Variants in GRIN3A observed in about 807,000 individuals in gnomAD.
GRIN3A encodes the protein glutamate ionotropic receptor NMDA type subunit 3A.
A neutral mutation model predicts 92.4 loss-of-function variants in GRIN3A; 47 were observed. That is an observed-to-expected ratio of 0.51 (90% CI 0.40 to 0.65). GRIN3A has a LOEUF of 0.65. Among genes scored for constraint, GRIN3A ranks in the 30% least tolerant of loss-of-function variants. GRIN3A has a pLI of 0.00. For missense variants in GRIN3A, 1,324 were observed against 1,393.1 expected (o/e 0.95, Z 0.79); for synonymous variants, 527 against 540.6 (o/e 0.97, Z 0.35).
At chr9:101,730,918 A>T (rs1402600671) in intron 1 of GRIN3A, among the ~76,000 whole-genome samples, 1 of 152,040 alleles carries the variant, frequency 6.6e-6, no homozygotes, top group Non-Finnish European at 1.5e-5. Context: ...AAAAATGTAG[A>T]TTTTCACCCT....
chr9:101,635,527 T>C (rs2118891799), intron 3 of GRIN3A, among the ~76,000 whole-genome samples: 1 of 152,340 alleles, frequency 6.6e-6, no homozygotes, highest in African/African-American at 2.4e-5. Context: ...AATTTTTCTC[T>C]CTATTCTAAA....
chr9:101,687,111 G>T lies in GRIN3A; in HGVS notation c.789C>A (p.Tyr263Ter), dbSNP rs1829549200. Residue 263 changes from tyrosine to a stop codon, truncating the protein, a stop_gained, in exon 2 of 9, where the codon TAC becomes TAA. Coordinates refer to ENST00000361820, the MANE Select transcript of GRIN3A (RefSeq NM_133445.3). LOFTEE classifies it high-confidence loss of function. ...TVSILTMNNW[Y>*]NFSLLLCQED... ...CCTGGCACAGCAACAAGCTAAAATTGTACCAGTTGTTCATGGTCAGGATTG... is the reference window on the plus strand; with the variant it reads ...CCTGGCACAGCAACAAGCTAAAATTTTACCAGTTGTTCATGGTCAGGATTG... 1.2e-6 allele frequency: 2 copies of T among 1,614,070 alleles called. No individual in the cohort carries two copies. The highest frequency in any genetic ancestry group is 1.7e-6 in the Non-Finnish European group (2 of 1,179,956).
At chr9:101,581,656 C>T (rs1051599578) in intron 6 of GRIN3A, among the ~76,000 whole-genome samples, 3 of 152,110 alleles carry the variant, frequency 2.0e-5, no homozygotes, top group Non-Finnish European at 2.9e-5. Flanking sequence ...CTTCCAGCCT[C>T]CAGAACTGTG....
chr9:101,643,849 AT>A (rs1213184256), intron 3 of GRIN3A, among the ~76,000 whole-genome samples: 1 of 151,684 alleles, frequency 6.6e-6, no homozygotes, highest in Non-Finnish European at 1.5e-5. Flanking sequence ...TCAAAAAAAA[AT>A]TCAAACTTGT....
chr9:101,737,291 C>A lies in GRIN3A; in HGVS notation c.689G>T (p.Arg230Leu). 1 of 1,614,108 alleles carries A rather than the reference C, an allele frequency of 6.2e-7. No individual in the cohort carries two copies. Among genetic ancestry groups the A allele is most frequent in the South Asian group, 1.1e-5 (1 of 91,084 alleles). The change falls in exon 1 of 9, where the codon CGG becomes CTG. Residue 230 changes from arginine to leucine, a missense_variant. Coordinates refer to ENST00000361820, the MANE Select transcript of GRIN3A (RefSeq NM_133445.3). ...VISIVRHEFPRESQNPLHLQL... is the reference protein window; with the variant it reads ...VISIVRHEFPLESQNPLHLQL... ...CCAGGCTCCTCTCACCTGACTCTCC[C>A]GTGGAAACTCGTGGCGCACGATGCT... is the stretch of plus-strand genomic sequence containing the variant.
At chr9:101,596,743 C>G (rs967386325) in intron 6 of GRIN3A, among the ~76,000 whole-genome samples, 1 of 152,174 alleles carries the variant, frequency 6.6e-6, no homozygotes, top group East Asian at 1.9e-4. Flanking sequence ...AAGAATCTAC[C>G]TCTAAGAAGC....
intron 5 of GRIN3A, among the ~76,000 whole-genome samples, chr9:101,616,119 G>A (rs1482040178): frequency 6.6e-6 from 1 of 152,108 alleles, no homozygotes; most frequent in Non-Finnish European, 1.5e-5. Context: ...ATTTACTCAG[G>A]GAATATTTGT....
At chr9:101,678,440 G>A (rs978370431) in intron 2 of GRIN3A, among the ~76,000 whole-genome samples, 7 of 152,110 alleles carry the variant, frequency 4.6e-5, no homozygotes, top group East Asian at 1.9e-4. Context: ...AGAAGGCCCT[G>A]CACGCTATAA....
At chr9:101,676,718 C>T (rs1588278312) in intron 2 of GRIN3A, among the ~76,000 whole-genome samples, 1 of 152,084 alleles carries the variant, frequency 6.6e-6, no homozygotes, top group African/African-American at 2.4e-5. Context: ...TTACTTGCTC[C>T]TATACATGGA....
rs779207134 is a variant in GRIN3A, at chr9:101,687,061, A to T, written c.839T>A (p.Leu280His). The part of the protein sequence containing the change: ...CQEDWNITDF[L>H]LLTQNNSKFH... ...CTTGGAATTATTCTGGGTAAGGAGG[A>T]GGAAGTCGGTGATGTTCCAGTCTTC... The change falls in exon 2 of 9, where the codon CTC (leucine) becomes CAC (histidine). Residue 280 changes from leucine (L) to histidine (H), a missense_variant. Leu to His is a moderately conservative substitution (Grantham distance 99). Transcript: ENST00000361820. The T allele has an allele frequency of 3.7e-6, 6 of 1,614,138 alleles. No individual in the cohort carries two copies. In the Admixed American group the frequency reaches 5.0e-5, roughly 13 times the overall value.
chr9:101,650,898 C>A (rs1298221006), intron 3 of GRIN3A, among the ~76,000 whole-genome samples: 1 of 151,944 alleles, frequency 6.6e-6, no homozygotes, highest in Non-Finnish European at 1.5e-5. Context: ...TAAGTATCAC[C>A]TTTTTTCTCA....
chr9:101,654,605 A>C (rs1388859299), intron 3 of GRIN3A, among the ~76,000 whole-genome samples: 1 of 151,484 alleles, frequency 6.6e-6, no homozygotes, highest in Non-Finnish European at 1.5e-5. Context: ...TACTCCCTTC[A>C]AGGTCTCTTT....
At chr9:101,628,891 T>C (rs547636978) in intron 3 of GRIN3A, among the ~76,000 whole-genome samples, 4 of 152,374 alleles carry the variant, frequency 2.6e-5, no homozygotes, top group African/African-American at 7.2e-5. Flanking sequence ...ATTTTGTTTA[T>C]TGAATTTATT....
chr9:101,687,887 T>G (rs1310497752), intron 1 of GRIN3A, among the ~76,000 whole-genome samples: 1 of 152,192 alleles, frequency 6.6e-6, no homozygotes, highest in African/African-American at 2.4e-5. Flanking sequence ...TATCACAATT[T>G]TATCTACTTG....
At chr9:101,581,819 C>G (rs1827890994) in intron 6 of GRIN3A, among the ~76,000 whole-genome samples, 1 of 152,304 alleles carries the variant, frequency 6.6e-6, no homozygotes, top group Middle Eastern at 3.4e-3. Flanking sequence ...TATCCCTTTG[C>G]TGGAAGCTTT....
At chr9:101,632,208 A>T (rs1348484612) in intron 3 of GRIN3A, among the ~76,000 whole-genome samples, 1 of 152,146 alleles carries the variant, frequency 6.6e-6, no homozygotes, top group Non-Finnish European at 1.5e-5. Flanking sequence ...GCTAACTCTT[A>T]AATGTCACTT....
chr9:101,647,427 T>C (rs138823949), intron 3 of GRIN3A, among the ~76,000 whole-genome samples: 312 of 152,042 alleles, frequency 2.1e-3, no homozygotes, highest in African/African-American at 7.0e-3. Flanking sequence ...GCAACTAGAT[T>C]CATCAGTGAA....
At chr9:101,689,023 T>C (rs1239709306) in intron 1 of GRIN3A, among the ~76,000 whole-genome samples, 1 of 152,118 alleles carries the variant, frequency 6.6e-6, no homozygotes, top group Admixed American at 6.5e-5. Flanking sequence ...GTGAGAGAAA[T>C]GGAAGCTTCA....
intron 1 of GRIN3A, among the ~76,000 whole-genome samples, chr9:101,714,697 T>G (rs1427306568): frequency 6.6e-6 from 1 of 152,128 alleles, no homozygotes; most frequent in Non-Finnish European, 1.5e-5. Context: ...GAAGTGCTAG[T>G]GAAAAATACA....
Sources: allele counts gnomAD v4.1 joint callset (sites outside exome capture counted in the v4.1 genomes callset), GRCh38; gene constraint gnomAD v4.1.1; transcripts MANE v1.5; gene names NCBI Gene and HGNC (gene_info 2026-07-23, HGNC 2026-07-21).